Variants in FRMD3 observed in about 807,000 individuals in gnomAD.
FRMD3 encodes FERM domain containing 3.
FRMD3 carries 33 observed loss-of-function variants against 70.2 expected under a neutral mutation model. The observed-to-expected ratio is 0.47, with a 90% CI of 0.36 to 0.63. The LOEUF is 0.63. FRMD3 is among the 20% of genes least tolerant of loss of function. The pLI, the probability that FRMD3 is intolerant of heterozygous loss-of-function variation, is 0.00. For missense variants in FRMD3, 632 were observed against 711.4 expected (o/e 0.89, Z 1.27); for synonymous variants, 279 against 255.9 (o/e 1.09, Z -0.86).
intron 3 of FRMD3, among the ~76,000 whole-genome samples, chr9:83,367,787 T>C (rs745922041): frequency 1.3e-5 from 2 of 152,218 alleles, no homozygotes; most frequent in Non-Finnish European, 2.9e-5. Flanking sequence ...TTTTGGTAAG[T>C]CATGGCTTTT....
chr9:83,575,316 T>G, the FRMD3 span, among the ~76,000 whole-genome samples: 1 of 152,202 alleles, frequency 6.6e-6, no homozygotes, highest in Non-Finnish European at 1.5e-5. Context: ...GCCTCCCATA[T>G]GTACTCTTCC....
Position 83,409,960 on chromosome 9 carries a change from C to T in FRMD3, c.148-20252G>A, listed in dbSNP as rs1035882705. Among the ~76,000 whole-genome samples, 4 of 152,184 alleles carry T rather than the reference C, an allele frequency of 2.6e-5. No individual in the cohort carries two copies. The South Asian group carries it at 6.2e-4, about 24-fold the overall frequency. On this transcript the variant is annotated intron_variant, in intron 1 of 13. Transcript: ENST00000304195. ...CAAGTGTGAAACTGATGGACAGATACATGCATGCCCAGCCCTCAATGCCAT... is the reference window on the plus strand; with the variant it reads ...CAAGTGTGAAACTGATGGACAGATATATGCATGCCCAGCCCTCAATGCCAT...
intron 1 of FRMD3, among the ~76,000 whole-genome samples, chr9:83,434,466 C>T (rs1342890498): frequency 6.6e-6 from 1 of 152,218 alleles, no homozygotes; most frequent in African/African-American, 2.4e-5. Flanking sequence ...AGGATGCACA[C>T]AAAGCTCCCA....
intron 2 of FRMD3, among the ~76,000 whole-genome samples, chr9:83,376,611 CT>C (rs5898828): frequency 0.4 from 52,536 of 131,736 alleles, 9,300 homozygotes; most frequent in African/African-American, 0.51. Context: ...TGCTATATTC[CT>C]TTTTTTTTTT....
intron 1 of FRMD3, among the ~76,000 whole-genome samples, chr9:83,391,208 T>C (rs1825657227): frequency 1.3e-5 from 2 of 152,238 alleles, no homozygotes; most frequent in African/African-American, 2.4e-5. Flanking sequence ...CCATCTGATA[T>C]AGCTCAAAAG....
rs565859204 is a variant in FRMD3 at position 83,533,972 on chromosome 9, G to A, written c.147+4113C>T. On this transcript the variant is annotated intron_variant, in intron 1 of 13. Coordinates refer to ENST00000304195, the MANE Select transcript of FRMD3 (RefSeq NM_174938.6). ...TGGCAAGTTCATTAGCAAGGGTTGT[G>A]AATAACAATGCCGGTGTCTAAAGAA... 3.3e-5 allele frequency among the ~76,000 whole-genome samples: 5 copies of A among 152,270 alleles called. No individual in the cohort carries two copies. The South Asian group carries it at 1.0e-3, about 32-fold the overall frequency.
chr9:83,279,999 T>TA (rs951893634), intron 13 of FRMD3, among the ~76,000 whole-genome samples: 48 of 152,182 alleles, frequency 3.2e-4, no homozygotes, highest in Middle Eastern at 3.4e-3. Flanking sequence ...TTTCATAGAA[T>TA]AAAAAGCAAG....
chr9:83,257,656 T>TA lies in FRMD3; in HGVS notation c.1196-9141dup, dbSNP rs35164037. Among the ~76,000 whole-genome samples the TA allele has an allele frequency of 8.7e-3, 1,278 of 147,142 alleles. 9 individuals are homozygous for TA. Among genetic ancestry groups the TA allele is most frequent in the South Asian group, 0.018 (83 of 4,652 alleles). On this transcript the variant is annotated intron_variant, in intron 13 of 13. Coordinates refer to ENST00000304195, the MANE Select transcript of FRMD3 (RefSeq NM_174938.6). ...TTAAAGCCAAACTTCTCTCTTTCTC[T>TA]AAAAAAAAAAGGAATTTCCAAAGAC...
chr9:83,257,699 G>GT (rs1832782711), intron 13 of FRMD3, among the ~76,000 whole-genome samples: 1 of 151,488 alleles, frequency 6.6e-6, no homozygotes, highest in Non-Finnish European at 1.5e-5. Context: ...TACTAAATTA[G>GT]TAAGATTGTC....
chr9:83,536,929 C>CAAAAAAAAAAAAAAA, intron 1 of FRMD3, among the ~76,000 whole-genome samples: 1 of 46,268 alleles, frequency 2.2e-5, no homozygotes, highest in African/African-American at 1.3e-4. Flanking sequence ...CTGTATTACA[C>CAAAAAAAAAAAAAAA]TAAAAAAAAA....
chr9:83,449,335 CG>C (rs1587863422), intron 1 of FRMD3, among the ~76,000 whole-genome samples: 1 of 152,134 alleles, frequency 6.6e-6, no homozygotes, highest in Non-Finnish European at 1.5e-5. Flanking sequence ...CCACTGCCTC[CG>C]GGAAGACAGA....
intron 1 of FRMD3, among the ~76,000 whole-genome samples, chr9:83,401,239 A>G (rs1174129882): frequency 6.6e-6 from 1 of 152,226 alleles, no homozygotes; most frequent in Non-Finnish European, 1.5e-5. Flanking sequence ...TGGCAAGCAA[A>G]TGGCAAAATG....
rs535796107 is a variant in FRMD3 at position 83,257,202 on chromosome 9, C to G, written c.1196-8686G>C. On this transcript the variant is annotated intron_variant, in intron 13 of 13. Transcript: ENST00000304195. ...AATACTATGCAGCCATAAAAAGGAA[C>G]GAGATCATGTCCTTTGCAGGGACAT... 5.3e-5 allele frequency among the ~76,000 whole-genome samples: 8 copies of G among 152,184 alleles called. No homozygotes were observed. In the South Asian group the frequency reaches 8.3e-4, roughly 16 times the overall value.
intron 6 of FRMD3, among the ~76,000 whole-genome samples, chr9:83,314,201 T>C (rs1835473050): frequency 6.6e-6 from 1 of 152,108 alleles, no homozygotes; most frequent in Non-Finnish European, 1.5e-5. Flanking sequence ...CCAAAAGAAT[T>C]GTCAACCATC....
chr9:83,460,021 C>T (rs933811104), intron 1 of FRMD3, among the ~76,000 whole-genome samples: 1 of 152,208 alleles, frequency 6.6e-6, no homozygotes, highest in Admixed American at 6.5e-5. Context: ...AGGGCCCCAC[C>T]CTCAGGACCT....
At chr9:83,322,098 C>T (rs888664177) in intron 6 of FRMD3, among the ~76,000 whole-genome samples, 67 of 152,126 alleles carry the variant, frequency 4.4e-4, no homozygotes, top group African/African-American at 1.5e-3. Flanking sequence ...AGACTTATGA[C>T]CAGGGAGACC....
intron 1 of FRMD3, among the ~76,000 whole-genome samples, chr9:83,530,223 C>T (rs1440636473): frequency 6.6e-6 from 1 of 152,156 alleles, no homozygotes; most frequent in South Asian, 2.1e-4. Context: ...GCCAAAATGT[C>T]CATCAACCCA....
intron 2 of FRMD3, among the ~76,000 whole-genome samples, chr9:83,380,315 A>C (rs1015364477): frequency 2.6e-5 from 4 of 152,188 alleles, no homozygotes; most frequent in African/African-American, 9.7e-5. Flanking sequence ...GGGGTGAAAA[A>C]GCAGAGAGAT....
intron 1 of FRMD3, among the ~76,000 whole-genome samples, chr9:83,496,681 T>A (rs557438756): frequency 6.6e-6 from 1 of 152,288 alleles, no homozygotes; most frequent in East Asian, 1.9e-4. Flanking sequence ...AGAGGAGATT[T>A]AGGAAAACAT....
Sources: gnomAD v4.1 joint callset for allele counts (sites outside exome capture counted in the v4.1 genomes callset) on GRCh38, gnomAD v4.1.1 for gene constraint, MANE v1.5 for transcripts, NCBI Gene and HGNC (gene_info 2026-07-23, HGNC 2026-07-21) for gene names.